Variants in KCNH1 observed in about 807,000 individuals in gnomAD.
KCNH1 encodes the protein voltage-gated delayed rectifier potassium channel KCNH1.
A neutral mutation model predicts 69.2 loss-of-function variants in KCNH1; 27 were observed. The ratio of observed to expected loss-of-function variants is 0.39; its 90% CI spans 0.29 to 0.54. KCNH1 has a LOEUF of 0.54. Among genes scored for constraint, KCNH1 ranks in the 20% least tolerant of loss-of-function variants. The pLI is 0.68. For missense variants in KCNH1, 798 were observed against 1,261.6 expected, an observed-to-expected ratio of 0.63 and a Z score of 5.57; for synonymous variants, 456 against 487.7, an observed-to-expected ratio of 0.93 and a Z score of 0.86.
chr1:211,009,954 A>G (rs1401042478), intron 6 of KCNH1, among the ~76,000 whole-genome samples: 1 of 152,148 alleles, frequency 6.6e-6, no homozygotes, highest in African/African-American at 2.4e-5. Context: ...ATAAGAAGCA[A>G]GAGGATCAGG....
At chr1:210,879,828 T>C (rs1294663287) in intron 7 of KCNH1, among the ~76,000 whole-genome samples, 1 of 152,088 alleles carries the variant, frequency 6.6e-6, no homozygotes, top group East Asian at 1.9e-4. Context: ...GATTACATAA[T>C]TGTATATGCA....
At chr1:211,040,777 A>T (rs1689981876) in intron 5 of KCNH1, among the ~76,000 whole-genome samples, 1 of 152,174 alleles carries the variant, frequency 6.6e-6, no homozygotes, top group South Asian at 2.1e-4. Flanking sequence ...TGCCTTAGGA[A>T]TCACTGAAAA....
At chr1:210,747,611 G>A (rs547060707) in intron 10 of KCNH1, among the ~76,000 whole-genome samples, 4 of 147,304 alleles carry the variant, frequency 2.7e-5, no homozygotes, top group African/African-American at 1.0e-4. Flanking sequence ...GCTCCTAGGG[G>A]CAAACTGTGT....
chr1:211,080,955 A>G (rs1420896774), intron 5 of KCNH1, among the ~76,000 whole-genome samples: 1 of 152,240 alleles, frequency 6.6e-6, no homozygotes, highest in Non-Finnish European at 1.5e-5. Context: ...ACAAAAGCCA[A>G]AATAGACAAA....
intron 7 of KCNH1, among the ~76,000 whole-genome samples, chr1:210,896,202 T>C (rs1414196959): frequency 6.6e-6 from 1 of 152,178 alleles, no homozygotes; most frequent in South Asian, 2.1e-4. Context: ...CAAGTATGAG[T>C]TGGTTTTCCT....
rs528899719 is a variant in KCNH1, at chr1:210,818,736, C to T, written c.1463-14570G>A. ...CACATAAGACTTCCCCACTCTATCCCTAAATGTAGCTCATATGTGGTAACC... is the reference window on the plus strand; with the variant it reads ...CACATAAGACTTCCCCACTCTATCCTTAAATGTAGCTCATATGTGGTAACC... On this transcript the variant is annotated intron_variant, in intron 7 of 10. Transcript: ENST00000271751. Among the ~76,000 whole-genome samples the T allele has an allele frequency of 3.3e-5, 5 of 152,308 alleles. No individual in the cohort carries two copies. In the South Asian group the frequency reaches 8.3e-4, roughly 25 times the overall value.
intron 5 of KCNH1, among the ~76,000 whole-genome samples, chr1:211,058,081 A>C (rs962024485): frequency 2.0e-5 from 3 of 152,110 alleles, no homozygotes; most frequent in African/African-American, 7.2e-5. Flanking sequence ...GAGAAGGAAA[A>C]AATTTCTTAT....
At chr1:210,746,992 T>C (rs569300683) in intron 10 of KCNH1, among the ~76,000 whole-genome samples, 3 of 152,298 alleles carry the variant, frequency 2.0e-5, no homozygotes, top group African/African-American at 7.2e-5. Context: ...TCCAGTAATA[T>C]AGTCAGAGTA....
intron 5 of KCNH1, among the ~76,000 whole-genome samples, chr1:211,068,587 G>C: frequency 6.6e-6 from 1 of 152,090 alleles, no homozygotes; most frequent in Non-Finnish European, 1.5e-5. Flanking sequence ...GTAGAGACGA[G>C]GTTTCACCAT....
At chr1:210,955,410 TTAAAG>T (rs1688152032) in intron 6 of KCNH1, among the ~76,000 whole-genome samples, 1 of 152,182 alleles carries the variant, frequency 6.6e-6, no homozygotes, top group African/African-American at 2.4e-5. Flanking sequence ...CATATGAACT[TTAAAG>T]TAGTTTTTTC....
rs1288182340 is a variant in KCNH1, at chr1:210,919,697, T to A, written c.1405A>T (p.Ile469Phe). ...TTCTCAATGTCTGTGGATGGGGCGA[T>A]GTTCCCAAAGCCCACACTGGTGAGG... ...TSLTSVGFGN[I>F]APSTDIEKIF... The change falls in exon 7 of 11, where the codon ATC becomes TTC. Residue 469 changes from isoleucine (I) to phenylalanine (F), a missense_variant. By Grantham distance (21) the Ile-to-Phe change is conservative. This residue lies in a region of KCNH1 where 197 missense variants were observed against 407.7 expected (regional missense o/e 0.48). Coordinates refer to ENST00000271751, the MANE Select transcript of KCNH1 (RefSeq NM_172362.3). This position sits in a 1 kb window ranked among gnomAD's most constrained non-coding sequence, Gnocchi z 4.2. The A allele has an allele frequency of 6.2e-7, 1 of 1,614,172 alleles. No homozygotes were observed. Among genetic ancestry groups the A allele is most frequent in the Non-Finnish European group, 8.5e-7 (1 of 1,180,018 alleles).
At chr1:210,859,735 G>T (rs1685934375) in intron 7 of KCNH1, 1 of 1,123,584 alleles carries the variant, frequency 8.9e-7, no homozygotes, top group South Asian at 1.2e-5. Context: ...TAAACCTTGG[G>T]GTATCTGTTC....
chr1:210,896,359 G>A (rs932252727), intron 7 of KCNH1, among the ~76,000 whole-genome samples: 3 of 152,086 alleles, frequency 2.0e-5, no homozygotes, highest in African/African-American at 7.2e-5. Context: ...GAAAAAACCT[G>A]AGAAGTGACC....
chr1:210,817,625 G>A (rs766241361), intron 7 of KCNH1, among the ~76,000 whole-genome samples: 1 of 152,088 alleles, frequency 6.6e-6, no homozygotes, highest in Non-Finnish European at 1.5e-5. Flanking sequence ...CATGTCAACT[G>A]TGTGCTAGAT....
intron 1 of KCNH1, among the ~76,000 whole-genome samples, chr1:211,112,243 C>A (rs1433616424): frequency 6.6e-6 from 1 of 151,406 alleles, no homozygotes; most frequent in Non-Finnish European, 1.5e-5. Flanking sequence ...GGCCGCTGCA[C>A]TGTCTGGGAA....
chr1:210,716,364 G>A (rs542818456), intron 10 of KCNH1, among the ~76,000 whole-genome samples: 155 of 149,652 alleles, frequency 1.0e-3, no homozygotes, highest in Non-Finnish European at 1.7e-3. Context: ...CCCAGAAGGC[G>A]GAGGTTGCAG....
intron 5 of KCNH1, among the ~76,000 whole-genome samples, chr1:211,073,843 G>T (rs539340713): frequency 6.6e-6 from 1 of 151,208 alleles, no homozygotes; most frequent in African/African-American, 2.4e-5. Context: ...CAGAAGAAAA[G>T]AACAAAAATT....
intron 7 of KCNH1, among the ~76,000 whole-genome samples, chr1:210,825,691 C>T (rs1046578736): frequency 1.3e-5 from 2 of 152,214 alleles, no homozygotes; most frequent in Admixed American, 1.3e-4. Flanking sequence ...TTCTCTTCTT[C>T]TGTGCCACCA....
At chr1:210,893,914 G>T (rs1362500471) in intron 7 of KCNH1, among the ~76,000 whole-genome samples, 1 of 151,774 alleles carries the variant, frequency 6.6e-6, no homozygotes, top group Non-Finnish European at 1.5e-5. Flanking sequence ...TTTTTATCTT[G>T]GACAATGCTT....
Sources: allele counts gnomAD v4.1 joint callset (sites outside exome capture counted in the v4.1 genomes callset), GRCh38; gene constraint gnomAD v4.1.1; regional missense constraint gnomAD v4.1.1; non-coding constraint Gnocchi (gnomAD v3.1); transcripts MANE v1.5; gene names NCBI Gene and HGNC (gene_info 2026-07-23, HGNC 2026-07-21).